DYNC2H1: variants seen among roughly 807,000 people sequenced by gnomAD.
The protein encoded by DYNC2H1 is cytoplasmic dynein 2 heavy chain 1.
DYNC2H1 carries 410 observed loss-of-function variants against 570.0 expected under a neutral mutation model. The observed-to-expected ratio is 0.72, with a 90% CI of 0.66 to 0.78. The LOEUF is 0.78. Among genes scored for constraint, DYNC2H1 ranks in the 30% least tolerant of loss-of-function variants. DYNC2H1 has a pLI of 0.00. For synonymous variants in DYNC2H1, 1,688 were observed against 1,677.6 expected (o/e 1.01, Z -0.15); for missense variants, 4,865 against 5,046.4 (o/e 0.96, Z 1.09).
intron 18 of DYNC2H1, among the ~76,000 whole-genome samples, chr11:103,144,886 A>ATTT (rs774322795): frequency 1.4e-5 from 2 of 145,054 alleles, no homozygotes; most frequent in African/African-American, 2.5e-5. Flanking sequence ...ATAATTAGTT[A>ATTT]TTTTTTTTTT....
intron 87 of DYNC2H1, among the ~76,000 whole-genome samples, chr11:103,463,708 G>GCC (rs1945097276): frequency 6.6e-6 from 1 of 152,154 alleles, no homozygotes; most frequent in Admixed American, 6.5e-5. Flanking sequence ...TCATGATCAT[G>GCC]CCACTGTATT....
intron 82 of DYNC2H1, among the ~76,000 whole-genome samples, chr11:103,341,406 T>C (rs1258842957): frequency 6.6e-6 from 1 of 152,236 alleles, no homozygotes; most frequent in Admixed American, 6.5e-5. Flanking sequence ...TAAACTGTCA[T>C]AATTGCCTTT....
intron 59 of DYNC2H1, among the ~76,000 whole-genome samples, chr11:103,225,464 A>T (rs1478011024): frequency 6.6e-6 from 1 of 151,842 alleles, no homozygotes; most frequent in Non-Finnish European, 1.5e-5. Context: ...TCATTCTTCT[A>T]CGTGGGGCTT....
rs149919429 is a variant in DYNC2H1 at position 103,261,269 on chromosome 11, GC to G, written c.10695+1293del. ...GGGGGAAGGGGTGGCTGTGGGCGCA[GC>G]ATCAGCAGACTTAAACATTCCCACC... On this transcript the variant is annotated intron_variant, in intron 70 of 88. Coordinates refer to ENST00000375735, the MANE Select transcript of DYNC2H1 (RefSeq NM_001377.3). The surrounding 1 kb of genome is among the most constrained non-coding windows in gnomAD (Gnocchi z 4.8). Among the ~76,000 whole-genome samples, 13,460 of 152,216 alleles carry G rather than the reference GC, an allele frequency of 0.088. 779 individuals carry two copies. The highest frequency in any genetic ancestry group is 0.12 in the Non-Finnish European group (8,143 of 68,004).
Position 103,148,543 on chromosome 11 carries a change from A to G in DYNC2H1, c.2872A>G (p.Ile958Val). The G allele has an allele frequency of 6.4e-7, 1 of 1,566,286 alleles. No homozygotes were observed. The highest frequency in any genetic ancestry group is 8.7e-7 in the Non-Finnish European group (1 of 1,153,916). Residue 958 changes from isoleucine to valine, a missense_variant, in exon 20 of 89, where the codon ATT (isoleucine) becomes GTT (valine). Ile to Val is a conservative substitution (Grantham distance 29). Coordinates refer to ENST00000375735, the MANE Select transcript of DYNC2H1 (RefSeq NM_001377.3). ...TACTGAGGCTATGGAAGTCTTAACA[A>G]TTATGCCCCAGTCTGTGGAAGAAAT... ...FVTEAMEVLT[I>V]MPQSVEEIGD...
In DYNC2H1 at chr11:103,186,760, C is replaced by CAA. The variant is rs200752422; in HGVS notation, c.6893+272_6893+273dup. 0.057 allele frequency among the ~76,000 whole-genome samples: 7,820 copies of CAA among 136,210 alleles called. 651 individuals are homozygous for CAA. The highest frequency in any genetic ancestry group is 0.19 in the African/African-American group (7,032 of 37,490). The allele number at this position is 136,210 out of a possible 152,430, so 89.4% of individuals were successfully genotyped here. On this transcript the variant is annotated intron_variant, in intron 42 of 88. Coordinates refer to ENST00000375735, the MANE Select transcript of DYNC2H1 (RefSeq NM_001377.3). The surrounding 1 kb of genome is among the most constrained non-coding windows in gnomAD (Gnocchi z 4.5). ...AAAATTATCCGTCCATATAATACAG[C>CAA]AAAAAAAAAAAAAAGAATGCCTTAT...
Position 103,199,595 on chromosome 11 carries a change from A to AC in DYNC2H1, c.8088+120dup. 1.0e-6 allele frequency: 1 copy of AC among 972,828 alleles called. No homozygotes were observed. 60.3% of individuals were successfully genotyped at this position (972,828 alleles called of 1,614,324 possible). A position where few individuals can be genotyped will look rare whatever the true frequency, so the allele number is the denominator to read the frequency against. On this transcript the variant is annotated intron_variant, in intron 49 of 88. Coordinates refer to ENST00000375735, the MANE Select transcript of DYNC2H1 (RefSeq NM_001377.3). The surrounding 1 kb of genome is among the most constrained non-coding windows in gnomAD (Gnocchi z 4.6). The stretch of plus-strand genomic sequence containing the variant: ...AAGTTTTAAAGAACATCTTTAAAGA[A>AC]CTAAAGTTCTCTGTTATACAATGTA...
At chr11:103,380,411 A>G (rs1030772767) in intron 83 of DYNC2H1, among the ~76,000 whole-genome samples, 1 of 152,202 alleles carries the variant, frequency 6.6e-6, no homozygotes, top group African/African-American at 2.4e-5. Flanking sequence ...AGTGATTTAC[A>G]CTAGAAATTA....
chr11:103,287,476 A>G (rs1866396276), intron 74 of DYNC2H1, 57 bp from the exon 75 acceptor site: 9 of 1,292,238 alleles, frequency 7.0e-6, no homozygotes, highest in Middle Eastern at 1.9e-4. Context: ...ATTATTGTTT[A>G]GTTAAAGTAG....
chr11:103,113,817 A>G, intron 2 of DYNC2H1, 110 bp downstream of exon 2: 1 of 940,640 alleles, frequency 1.1e-6, no homozygotes, highest in Non-Finnish European at 1.5e-6. Context: ...TTTAATTTTA[A>G]TTAAAATATC....
chr11:103,159,449 A>G (rs1860986779), intron 28 of DYNC2H1, among the ~76,000 whole-genome samples: 1 of 152,138 alleles, frequency 6.6e-6, no homozygotes, highest in Admixed American at 6.5e-5. Flanking sequence ...AATGACATAC[A>G]GGTGGAGATA....
chr11:103,458,504 G>C (rs958537271), intron 87 of DYNC2H1, among the ~76,000 whole-genome samples: 3 of 152,078 alleles, frequency 2.0e-5, no homozygotes, highest in Admixed American at 2.0e-4. Flanking sequence ...GAGCATTTCA[G>C]ATAAGGGATA....
At chr11:103,262,683 C>T (rs991036276) in intron 70 of DYNC2H1, among the ~76,000 whole-genome samples, 12 of 152,076 alleles carry the variant, frequency 7.9e-5, no homozygotes, top group African/African-American at 2.7e-4. Flanking sequence ...GCCTGCCTTA[C>T]AAGAGCTCCT....
chr11:103,138,477 G>T (rs1415150202), intron 17 of DYNC2H1, among the ~76,000 whole-genome samples: 2 of 152,124 alleles, frequency 1.3e-5, no homozygotes, highest in Non-Finnish European at 2.9e-5. Context: ...TAATCATGTG[G>T]TTTTTGTCTT....
Position 103,356,136 on chromosome 11 carries a change from A to G in DYNC2H1, c.12040-2107A>G, listed in dbSNP as rs547015998. On this transcript the variant is annotated intron_variant, in intron 82 of 88. Transcript: ENST00000375735. ...TGAATTAAATTTTATCCCTTTTGAT[A>G]CCATTTTAAAGTAGTATTCTGAAAA... is the stretch of plus-strand genomic sequence containing the variant. Among the ~76,000 whole-genome samples the G allele has an allele frequency of 1.8e-4, 28 of 152,286 alleles. No homozygotes were observed. In the South Asian group the frequency reaches 5.0e-3, roughly 27 times the overall value.
At chr11:103,132,185 A>C (rs1859314096) in intron 13 of DYNC2H1, among the ~76,000 whole-genome samples, 1 of 151,206 alleles carries the variant, frequency 6.6e-6, no homozygotes, top group Non-Finnish European at 1.5e-5. Context: ...TTTTCCCTTT[A>C]TTTTCTCTTT....
chr11:103,141,939 C>T (rs937457645), intron 17 of DYNC2H1, among the ~76,000 whole-genome samples: 3 of 152,214 alleles, frequency 2.0e-5, no homozygotes, highest in African/African-American at 7.2e-5. Context: ...AGCCTCGCTG[C>T]CACCTTGCAG....
intron 84 of DYNC2H1, among the ~76,000 whole-genome samples, chr11:103,431,706 C>G (rs1226831954): frequency 6.6e-6 from 1 of 152,076 alleles, no homozygotes; most frequent in African/African-American, 2.4e-5. Context: ...TCGACAAACT[C>G]TTGAAAAGCA....
chr11:103,283,115 T>C (rs1866209505), intron 73 of DYNC2H1, 30 bp downstream of exon 73: 1 of 1,543,662 alleles, frequency 6.5e-7, no homozygotes, highest in Non-Finnish European at 8.9e-7. Flanking sequence ...AGACATGTTT[T>C]AATTTCTTCT....
Sources: allele counts gnomAD v4.1 joint callset (sites outside exome capture counted in the v4.1 genomes callset), GRCh38; gene constraint gnomAD v4.1.1; non-coding constraint Gnocchi (gnomAD v3.1); transcripts MANE v1.5; gene names NCBI Gene and HGNC (gene_info 2026-07-23, HGNC 2026-07-21).